The following LARS1 variants were observed in gnomAD, a reference collection of about 807,000 sequenced individuals.
LARS1 encodes the protein leucyl-tRNA synthetase 1.
In LARS1, 100 loss-of-function variants were observed where a neutral mutation model predicts 162.8. That is an observed-to-expected ratio of 0.61 (90% confidence interval 0.52 to 0.73). The LOEUF is 0.73. LARS1 is among the 30% of genes least tolerant of loss of function. The pLI, the probability that LARS1 is intolerant of heterozygous loss-of-function variation, is 0.00. For missense variants in LARS1, 1,258 were observed against 1,408.9 expected, an observed-to-expected ratio of 0.89 and a Z score of 1.71; for synonymous variants, 457 against 462.8, an observed-to-expected ratio of 0.99 and a Z score of 0.16.
In LARS1 at chr5:146,177,613, A is replaced by G. The variant is rs1743288775; in HGVS notation, c.59T>C (p.Ile20Thr). 1 of 1,606,984 alleles carries G rather than the reference A, an allele frequency of 6.2e-7. No homozygotes were observed. The highest frequency in any genetic ancestry group is 8.5e-7 in the Non-Finnish European group (1 of 1,176,076). ...TCTCTCAGTATCCCATTTCTGTTGG[A>G]TTTCTTTCTCAATCTTCTTCAAAAA... The part of the protein sequence containing the change: ...VDFLKKIEKE[I>T]QQKWDTERVF... Residue 20 changes from isoleucine (I) to threonine (T), a missense_variant, in exon 2 of 32, where the codon ATC becomes ACC. Coordinates refer to ENST00000394434, the MANE Select transcript of LARS1 (RefSeq NM_020117.11).
At chr5:146,181,899 TTACA>T (rs973153259) in intron 1 of LARS1, among the ~76,000 whole-genome samples, 8 of 125,926 alleles carry the variant, frequency 6.4e-5, no homozygotes, top group African/African-American at 2.3e-4. Flanking sequence ...AGGAATCAAC[TTACA>T]TACTCCTCTC....
intron 31 of LARS1, 61 bp from the exon 32 acceptor site, chr5:146,114,372 G>A: frequency 7.5e-7 from 1 of 1,326,732 alleles, no homozygotes. Context: ...CCCTGGAGCA[G>A]TCTGAGAACT....
At chr5:146,143,126 T>TATATAC in intron 19 of LARS1, 42 bp from the exon 20 acceptor site, 1 of 1,084,824 alleles carries the variant, frequency 9.2e-7, no homozygotes, top group Non-Finnish European at 1.3e-6. Flanking sequence ...TATATATATA[T>TATATAC]GTAATTTCTT....
At chr5:146,117,312 C>G (rs1487181355) in intron 31 of LARS1, among the ~76,000 whole-genome samples, 1 of 151,968 alleles carries the variant, frequency 6.6e-6, no homozygotes, top group African/African-American at 2.4e-5. Flanking sequence ...GCTATAACAT[C>G]ATAATAATCC....
intron 7 of LARS1, among the ~76,000 whole-genome samples, chr5:146,159,976 C>G (rs949574896): frequency 2.6e-5 from 4 of 152,022 alleles, no homozygotes; most frequent in African/African-American, 9.7e-5. Flanking sequence ...CCCATTCTCC[C>G]TGGTTATATC....
At chr5:146,153,448 AC>A (rs1224184661) in intron 12 of LARS1, among the ~76,000 whole-genome samples, 1 of 152,250 alleles carries the variant, frequency 6.6e-6, no homozygotes, top group Non-Finnish European at 1.5e-5. Context: ...AAATGAAACC[AC>A]ACAACCAAAA....
chr5:146,172,027 A>C (rs760458741), intron 3 of LARS1, 37 bp from the exon 4 acceptor site: 2 of 1,510,100 alleles, frequency 1.3e-6, no homozygotes, highest in Non-Finnish European at 1.8e-6. Flanking sequence ...TGCAAATTTA[A>C]ATGCCAGACA....
rs34272346 is a variant in LARS1, at chr5:146,123,853, G to A, written c.3096+129C>T. ...TTTTCTTCTCTCCAAAAATATTTTC[G>A]ACTAATATATTTAACAAAGATACTA... On this transcript the variant is annotated intron_variant, in intron 29 of 31. Coordinates refer to ENST00000394434, the MANE Select transcript of LARS1 (RefSeq NM_020117.11). 3.7e-3 allele frequency: 1,668 copies of A among 448,322 alleles called. 5 individuals are homozygous for A. The highest frequency in any genetic ancestry group is 9.1e-3 in the South Asian group (119 of 13,138). 27.8% of individuals were successfully genotyped at this position (448,322 alleles called of 1,614,324 possible). A position where few individuals can be genotyped will look rare whatever the true frequency, so the allele number is the denominator to read the frequency against.
intron 6 of LARS1, 61 bp from the exon 7 acceptor site, chr5:146,160,547 G>T (rs1464699837): frequency 1.2e-5 from 9 of 747,092 alleles, no homozygotes; most frequent in Non-Finnish European, 1.5e-5. Context: ...GTTTAAATAA[G>T]AATTCCTATG....
chr5:146,137,270 A>C (rs1005231437), intron 21 of LARS1, among the ~76,000 whole-genome samples: 1 of 152,346 alleles, frequency 6.6e-6, no homozygotes, highest in African/African-American at 2.4e-5. Flanking sequence ...TCTGTTGGTT[A>C]CAGCAAAATT....
At chr5:146,114,336 T>C (rs1216665059) in intron 31 of LARS1, 25 bp from the exon 32 acceptor site, 3 of 1,583,972 alleles carry the variant, frequency 1.9e-6, no homozygotes, top group South Asian at 1.1e-5. Context: ...ATTATCAATA[T>C]AAGCATTTAA....
intron 4 of LARS1, 45 bp from the exon 5 acceptor site, chr5:146,168,310 C>G: frequency 1.9e-6 from 3 of 1,558,682 alleles, no homozygotes. Flanking sequence ...TCAAGGTAGA[C>G]ACAATTTCAG....
intron 1 of LARS1, chr5:146,179,643 G>T: frequency 2.3e-6 from 1 of 430,164 alleles, no homozygotes; most frequent in Admixed American, 2.6e-5. Flanking sequence ...CTGCCACCCA[G>T]GCTGGAGCAT....
intron 29 of LARS1, 136 bp from the exon 30 acceptor site, chr5:146,122,723 A>G: frequency 2.3e-6 from 1 of 435,216 alleles, no homozygotes; most frequent in East Asian, 3.4e-5. Flanking sequence ...ATTATTTTCC[A>G]TATAAATATT....
chr5:146,123,960 T>G (rs777904390), intron 29 of LARS1, 22 bp downstream of exon 29: 1 of 1,307,672 alleles, frequency 7.6e-7, no homozygotes, highest in South Asian at 1.2e-5. Context: ...TAACTGGTTA[T>G]TACAATCCCT....
intron 31 of LARS1, among the ~76,000 whole-genome samples, chr5:146,117,329 A>G (rs35676277): frequency 0.23 from 34,204 of 151,970 alleles, 4,854 homozygotes; most frequent in Admixed American, 0.34. Context: ...ATCCCATCCA[A>G]GCAGGGCCGG....
In LARS1 at chr5:146,140,216, CAGG is replaced by C. The variant is rs765138415; in HGVS notation, c.2133_2135del (p.Leu712del). On this transcript the variant is annotated inframe_deletion, in exon 21 of 32. Coordinates refer to ENST00000394434, the MANE Select transcript of LARS1 (RefSeq NM_020117.11). ...CAATAAGCCTTACCTTCTCAGAGTT[CAGG>C]AGGAGATGTCCATTTGCTCTCACAG... 1.7e-5 allele frequency: 27 copies of C among 1,611,572 alleles called. No homozygotes were observed. Among genetic ancestry groups the C allele is most frequent in the Admixed American group, 6.7e-5 (4 of 60,014 alleles).
At chr5:146,124,801 T>C (rs1336669169) in intron 28 of LARS1, among the ~76,000 whole-genome samples, 2 of 151,894 alleles carry the variant, frequency 1.3e-5, no homozygotes, top group Non-Finnish European at 1.5e-5. Flanking sequence ...TTCTATTTCT[T>C]TTTCTCATGG....
intron 1 of LARS1, 56 bp downstream of exon 1, chr5:146,182,432 A>G: frequency 6.2e-7 from 1 of 1,610,386 alleles, no homozygotes; most frequent in Non-Finnish European, 8.5e-7. Context: ...GAGAGCCCCT[A>G]GAGACTGGCC....
Sources: gnomAD v4.1 joint callset for allele counts (sites outside exome capture counted in the v4.1 genomes callset) on GRCh38, gnomAD v4.1.1 for gene constraint, MANE v1.5 for transcripts, NCBI Gene and HGNC (gene_info 2026-07-23, HGNC 2026-07-21) for gene names.